The following CTSS variants were observed in gnomAD, a reference collection of about 807,000 sequenced individuals.
CTSS encodes cathepsin S.
Under a neutral mutation model 39.9 loss-of-function variants are expected in CTSS, and 15 were observed. That is an observed-to-expected ratio of 0.38 (90% CI 0.25 to 0.58). The LOEUF (loss-of-function observed/expected upper bound fraction) is 0.58, where lower values mean the gene tolerates loss of function less well. Among genes scored for constraint, CTSS ranks in the 20% least tolerant of loss-of-function variants. CTSS has a pLI of 0.70. For synonymous variants in CTSS, 126 were observed against 138.2 expected, an observed-to-expected ratio of 0.91 and a Z score of 0.62; for missense variants, 250 against 398.2, an observed-to-expected ratio of 0.63 and a Z score of 3.17.
Position 150,750,028 on chromosome 1 carries a change from A to G in CTSS, c.771T>C (p.Pro257=), listed in dbSNP as rs757341029. The G allele has an allele frequency of 3.7e-6, 6 of 1,607,348 alleles. No homozygotes were observed. The East Asian group carries it at 1.3e-4, about 36-fold the overall frequency. ...PVSVGVDARH[P]SFFLYRSGVY... ...TACCACTTCTGTAGAGGAAGAAAGA[A>G]GGATGACGCGCATCTACACCAACAG... Residue 257 remains proline, a synonymous_variant, in exon 6 of 8, where the codon CCT becomes CCC. Coordinates refer to ENST00000368985, the MANE Select transcript of CTSS (RefSeq NM_004079.5).
At chr1:150,734,652 A>G (rs1328251282) in intron 7 of CTSS, among the ~76,000 whole-genome samples, 1 of 152,126 alleles carries the variant, frequency 6.6e-6, no homozygotes, top group Non-Finnish European at 1.5e-5. Context: ...TCAAAAAAAG[A>G]AAATAAATAA....
At chr1:150,750,659 T>C (rs1652989712) in intron 5 of CTSS, among the ~76,000 whole-genome samples, 1 of 152,180 alleles carries the variant, frequency 6.6e-6, no homozygotes, top group Non-Finnish European at 1.5e-5. Context: ...TTTTTTGAGA[T>C]AGGCTCTCAC....
rs189673979 is a variant in CTSS at position 150,763,886 on chromosome 1, G to A, written c.126+752C>T. On this transcript the variant is annotated intron_variant, in intron 2 of 7. Coordinates refer to ENST00000368985, the MANE Select transcript of CTSS (RefSeq NM_004079.5). ...ATGTGGCCCTTCCTCAGGAGCTTGT[G>A]CTGATTTGCCCTTGGCCTGAGACCT... is the stretch of plus-strand genomic sequence containing the variant. Among the ~76,000 whole-genome samples, 38 of 152,186 alleles carry A rather than the reference G, an allele frequency of 2.5e-4. 1 individual carries two copies. In the East Asian group the frequency reaches 7.0e-3, roughly 28 times the overall value.
At chr1:150,758,052 A>ATT in intron 2 of CTSS, 72 bp from the exon 3 acceptor site, 1 of 1,477,748 alleles carries the variant, frequency 6.8e-7, no homozygotes, top group Non-Finnish European at 9.1e-7. Flanking sequence ...TGAAAATGGC[A>ATT]ATTTTTTTTT....
At chr1:150,734,678 C>T (rs1386316658) in intron 7 of CTSS, among the ~76,000 whole-genome samples, 1 of 152,036 alleles carries the variant, frequency 6.6e-6, no homozygotes, top group Non-Finnish European at 1.5e-5. Flanking sequence ...ATACTACTTA[C>T]TGTCACCATT....
intron 3 of CTSS, among the ~76,000 whole-genome samples, chr1:150,756,708 C>CTTTTTTTTTTTTT (rs72242218): frequency 3.6e-4 from 47 of 131,156 alleles, no homozygotes; most frequent in South Asian, 5.0e-4. Flanking sequence ...TTCTTTCTTT[C>CTTTTTTTTTTTTT]TTTTTTTTTT....
intron 3 of CTSS, among the ~76,000 whole-genome samples, chr1:150,755,437 A>G (rs1298851745): frequency 6.6e-6 from 1 of 152,196 alleles, no homozygotes; most frequent in Non-Finnish European, 1.5e-5. Flanking sequence ...GTGAAAATAC[A>G]GTATAAAAAG....
chr1:150,736,075 A>G (rs1232713913), intron 7 of CTSS, among the ~76,000 whole-genome samples: 2 of 151,972 alleles, frequency 1.3e-5, no homozygotes, highest in Non-Finnish European at 2.9e-5. Context: ...TTATTTTAGT[A>G]AAGAAGAGGT....
Position 150,732,800 on chromosome 1 carries a change from G to T in CTSS, c.*246C>A. On this transcript the variant is annotated 3_prime_UTR_variant, in exon 8 of 8. Transcript: ENST00000368985. Reference sequence around the variant, plus strand: ...TTTTTTGTATTTTTAGTAGAGATGGGGTTTCACCATGTTAGCCAGGCTGCT... The same window carrying T: ...TTTTTTGTATTTTTAGTAGAGATGGTGTTTCACCATGTTAGCCAGGCTGCT... The T allele has an allele frequency of 3.3e-6, 1 of 298,836 alleles. No homozygotes were observed. The allele number at this position is 298,836 out of a possible 1,614,324, so 18.5% of individuals were successfully genotyped here. A position where few individuals can be genotyped will look rare whatever the true frequency, so the allele number is the denominator to read the frequency against.
At chr1:150,748,722 T>C (rs1204182156) in intron 6 of CTSS, among the ~76,000 whole-genome samples, 3 of 152,124 alleles carry the variant, frequency 2.0e-5, no homozygotes, top group African/African-American at 4.8e-5. Context: ...GCTGGAATTA[T>C]AGGCATGAGC....
intron 2 of CTSS, among the ~76,000 whole-genome samples, chr1:150,761,902 C>A (rs886073447): frequency 6.6e-6 from 1 of 152,130 alleles, no homozygotes; most frequent in Admixed American, 6.5e-5. Flanking sequence ...TAATGTTATT[C>A]TTCACAGAAA....
intron 7 of CTSS, among the ~76,000 whole-genome samples, chr1:150,739,860 G>A (rs965372686): frequency 6.6e-6 from 1 of 151,672 alleles, no homozygotes; most frequent in Non-Finnish European, 1.5e-5. Flanking sequence ...GAAGGCTGAT[G>A]AAACTAAAAT....
At chr1:150,737,870 C>G (rs895765445) in intron 7 of CTSS, among the ~76,000 whole-genome samples, 1 of 152,076 alleles carries the variant, frequency 6.6e-6, no homozygotes, top group Non-Finnish European at 1.5e-5. Context: ...TGGATGTTTG[C>G]GCAAAGATGC....
At chr1:150,744,678 AC>A (rs1652856809) in intron 7 of CTSS, among the ~76,000 whole-genome samples, 1 of 143,368 alleles carries the variant, frequency 7.0e-6, no homozygotes. Flanking sequence ...ATGTATGCAT[AC>A]ATAATATGTA....
At position 150,730,666 on chromosome 1, in the gene CTSS, G is replaced by A. The variant is rs1652500144; in HGVS notation, c.*2380C>T. 1 of 152,236 alleles carries A rather than the reference G, an allele frequency of 6.6e-6. No homozygotes were observed. The highest frequency in any genetic ancestry group is 1.5e-5 in the Non-Finnish European group (1 of 68,018). 9.4% of individuals were successfully genotyped at this position (152,236 alleles called of 1,614,324 possible). On this transcript the variant is annotated 3_prime_UTR_variant, in exon 8 of 8. Coordinates refer to ENST00000368985, the MANE Select transcript of CTSS (RefSeq NM_004079.5). ...TTTTGTGTAGGGTGTCCTGAACCCC[G>A]TCACTAACCTCTAACTGAAAGTTAG... is the stretch of plus-strand genomic sequence containing the variant.
chr1:150,738,707 T>G (rs1268339445), intron 7 of CTSS, among the ~76,000 whole-genome samples: 1 of 151,782 alleles, frequency 6.6e-6, no homozygotes, highest in Non-Finnish European at 1.5e-5. Flanking sequence ...CAAGCTGGGA[T>G]CAGTGATCTT....
At chr1:150,739,410 GA>G (rs1329420602) in intron 7 of CTSS, among the ~76,000 whole-genome samples, 1 of 151,818 alleles carries the variant, frequency 6.6e-6, no homozygotes, top group East Asian at 1.9e-4. Flanking sequence ...GTGAACACAT[GA>G]ATGAAAGCAA....
At chr1:150,743,636 ATATAT>A (rs375911694) in intron 7 of CTSS, among the ~76,000 whole-genome samples, 6,151 of 93,196 alleles carry the variant, frequency 0.066, 349 homozygotes, top group East Asian at 0.18. Context: ...TGTATACATA[ATATAT>A]TATATATGTA....
At chr1:150,761,637 A>G (rs1011907142) in intron 2 of CTSS, among the ~76,000 whole-genome samples, 2 of 152,316 alleles carry the variant, frequency 1.3e-5, no homozygotes, top group Non-Finnish European at 2.9e-5. Flanking sequence ...AGGCTGAGGC[A>G]GGAGAATTGC....
Sources: gnomAD v4.1 joint callset for allele counts (sites outside exome capture counted in the v4.1 genomes callset) on GRCh38, gnomAD v4.1.1 for gene constraint, MANE v1.5 for transcripts, NCBI Gene and HGNC (gene_info 2026-07-23, HGNC 2026-07-21) for gene names.